The following CCDC33 variants were observed in gnomAD, a reference collection of about 807,000 sequenced individuals.
CCDC33 encodes the protein coiled-coil domain containing 33.
A neutral mutation model predicts 91.9 loss-of-function variants in CCDC33; 94 were observed. The observed-to-expected ratio is 1.02, with a 90% CI of 0.87 to 1.21. The LOEUF (loss-of-function observed/expected upper bound fraction) is 1.21, where lower values mean the gene tolerates loss of function less well. CCDC33 is among the 50% of genes most tolerant of loss of function. The pLI, the probability that CCDC33 is intolerant of heterozygous loss-of-function variation, is 0.00. For synonymous variants in CCDC33, 396 were observed against 374.5 expected, an observed-to-expected ratio of 1.06 and a Z score of -0.66; for missense variants, 940 against 935.5, an observed-to-expected ratio of 1.00 and a Z score of -0.06.
intron 11 of CCDC33, chr15:74,301,206 C>T (rs2059788692): frequency 6.6e-6 from 1 of 152,312 alleles, no homozygotes; most frequent in African/African-American, 2.4e-5. Flanking sequence ...GCCCATCTCA[C>T]ACGGAGCCAG....
chr15:74,332,947 TC>T, intron 16 of CCDC33, 102 bp downstream of exon 16: 2 of 1,384,942 alleles, frequency 1.4e-6, no homozygotes, highest in Non-Finnish European at 2.0e-6. Context: ...GAGCTAAGCT[TC>T]CCAGGGTCTC....
chr15:74,267,731 C>T (rs763885538), intron 4 of CCDC33, among the ~76,000 whole-genome samples: 2 of 150,832 alleles, frequency 1.3e-5, no homozygotes, highest in Non-Finnish European at 2.9e-5. Flanking sequence ...GCCACTTGGT[C>T]CCCAGGCCTC....
intron 11 of CCDC33, among the ~76,000 whole-genome samples, chr15:74,324,342 G>C (rs2060266256): frequency 6.6e-6 from 1 of 151,924 alleles, no homozygotes; most frequent in African/African-American, 2.4e-5. Flanking sequence ...GTCTCCACCT[G>C]CCCCTATCTC....
intron 1 of CCDC33, among the ~76,000 whole-genome samples, chr15:74,204,951 A>G (rs1163128975): frequency 1.3e-5 from 2 of 152,162 alleles, no homozygotes; most frequent in Admixed American, 6.5e-5. Flanking sequence ...AAAGAAAGAA[A>G]GAAAGAAAAG....
rs536635177 is a variant in CCDC33, at chr15:74,226,335, C to T, written c.675+7474C>T. Among the ~76,000 whole-genome samples the T allele has an allele frequency of 2.6e-5, 4 of 152,156 alleles. No individual in the cohort carries two copies. The East Asian group carries it at 7.7e-4, about 29-fold the overall frequency. Reference sequence around the variant, plus strand: ...TGAGCAGTTATGACTTGGAGCAGGTCCCTTACCTCCCTGGGCCTCAAATTC... The same window carrying T: ...TGAGCAGTTATGACTTGGAGCAGGTTCCTTACCTCCCTGGGCCTCAAATTC... On this transcript the variant is annotated intron_variant, in intron 2 of 2. Transcript: ENST00000635913.
intron 2 of CCDC33, among the ~76,000 whole-genome samples, chr15:74,259,690 A>C (rs351157): frequency 0.38 from 57,075 of 151,994 alleles, 12,957 homozygotes; most frequent in African/African-American, 0.62. Context: ...CGTCACCTTT[A>C]CCCACCTCTT....
chr15:74,285,087 T>C (rs2142522941), intron 10 of CCDC33, among the ~76,000 whole-genome samples: 1 of 152,360 alleles, frequency 6.6e-6, no homozygotes, highest in East Asian at 1.9e-4. Context: ...TAGGGGTAGC[T>C]CTTTGCATGT....
At chr15:74,333,994 G>T (rs1342132332) in intron 17 of CCDC33, 27 bp downstream of exon 17, 1 of 1,576,760 alleles carries the variant, frequency 6.3e-7, no homozygotes, top group African/African-American at 1.3e-5. Flanking sequence ...AGTTGATGAG[G>T]CTGGATCAGG....
chr15:74,246,761 G>C (rs1219034108), intron 2 of CCDC33, among the ~76,000 whole-genome samples: 5 of 152,226 alleles, frequency 3.3e-5, no homozygotes, highest in African/African-American at 1.2e-4. Flanking sequence ...GCACAGCACG[G>C]AGGTTCCTCA....
intron 1 of CCDC33, among the ~76,000 whole-genome samples, chr15:74,206,696 G>T (rs1348734640): frequency 6.6e-6 from 1 of 152,224 alleles, no homozygotes; most frequent in Non-Finnish European, 1.5e-5. Context: ...GGAGGAGGGG[G>T]CCTGGAGCAG....
intron 2 of CCDC33, among the ~76,000 whole-genome samples, chr15:74,255,499 T>C (rs1230066252): frequency 1.3e-5 from 2 of 152,226 alleles, no homozygotes; most frequent in East Asian, 3.8e-4. Flanking sequence ...CAACTGGCCC[T>C]GAGTGAGGAG....
At chr15:74,331,972 G>C (rs139787130) in intron 15 of CCDC33, among the ~76,000 whole-genome samples, 178 of 152,318 alleles carry the variant, frequency 1.2e-3, no homozygotes, top group Middle Eastern at 3.4e-3. Flanking sequence ...AGAGGTTGCT[G>C]TGAGCCAAGA....
intron 1 of CCDC33, chr15:74,203,213 T>C (rs1245483205): frequency 1.0e-6 from 1 of 972,734 alleles, no homozygotes; most frequent in Admixed American, 6.6e-5. Context: ...GTAAACCCTT[T>C]TTGTTCCTAC....
chr15:74,241,656 G>A (rs139586725), intron 1 of CCDC33, among the ~76,000 whole-genome samples: 359 of 152,330 alleles, frequency 2.4e-3, no homozygotes, highest in Non-Finnish European at 3.6e-3. Context: ...TCACTCTGGC[G>A]ATTGGATGGG....
chr15:74,291,291 G>A (rs772973175), intron 10 of CCDC33, among the ~76,000 whole-genome samples: 2 of 152,268 alleles, frequency 1.3e-5, no homozygotes, highest in African/African-American at 2.4e-5. Flanking sequence ...GCAGCCACAG[G>A]AAATGACAAA....
In CCDC33 at chr15:74,218,104, G is replaced by C. The variant is rs2074495943; in HGVS notation, c.311-393G>C. ...GAAGGAAATCCATGCCTAGACTAAG[G>C]CCACCCTGGCAGGCTGCCTGGAGGA... On this transcript the variant is annotated intron_variant, in intron 1 of 2. Coordinates refer to the CCDC33 transcript ENST00000635913. This position sits in a 1 kb window ranked among gnomAD's most constrained non-coding sequence, Gnocchi z 4.8. Among the ~76,000 whole-genome samples the C allele has an allele frequency of 6.6e-6, 1 of 152,104 alleles. No homozygotes were observed. Among genetic ancestry groups the C allele is most frequent in the African/African-American group, 2.4e-5 (1 of 41,420 alleles).
At chr15:74,264,316 C>T (rs546084963) in intron 3 of CCDC33, among the ~76,000 whole-genome samples, 9 of 151,968 alleles carry the variant, frequency 5.9e-5, no homozygotes, top group African/African-American at 9.7e-5. Flanking sequence ...CCAAAGCAGG[C>T]GGGTGGCAGA....
At chr15:74,208,018 T>G in intron 1 of CCDC33, 1 of 1,380,890 alleles carries the variant, frequency 7.2e-7, no homozygotes, top group African/African-American at 1.5e-5. Flanking sequence ...TTCCTGCAAT[T>G]CTCATGCCCC....
At position 74,280,762 on chromosome 15, in the gene CCDC33, A is replaced by G; in HGVS notation, c.984A>G (p.Lys328=). The change falls in exon 9 of 19, where the codon AAA becomes AAG. Residue 328 remains lysine, a synonymous_variant. Coordinates refer to ENST00000398814, the MANE Select transcript of CCDC33 (RefSeq NM_025055.5). ...TGTACCAGAAGATGCTGACAGGGAAAGGCTTGGACGGGCTTCACGTGGAGC... is the reference window on the plus strand; with the variant it reads ...TGTACCAGAAGATGCTGACAGGGAAGGGCTTGGACGGGCTTCACGTGGAGC... ...SRLYQKMLTG[K]GLDGLHVERL... 1 of 1,572,202 alleles carries G rather than the reference A, an allele frequency of 6.4e-7. No individual in the cohort carries two copies. The highest frequency in any genetic ancestry group is 8.6e-7 in the Non-Finnish European group (1 of 1,158,590).
Sources: gnomAD v4.1 joint callset for allele counts (sites outside exome capture counted in the v4.1 genomes callset) on GRCh38, gnomAD v4.1.1 for gene constraint, Gnocchi (gnomAD v3.1) non-coding constraint, MANE v1.5 for transcripts, NCBI Gene and HGNC (gene_info 2026-07-23, HGNC 2026-07-21) for gene names.